The following ZNF57 variants were observed in gnomAD, a reference collection of about 807,000 sequenced individuals.
ZNF57 encodes zinc finger protein 424.
Under a neutral mutation model 13.4 loss-of-function variants are expected in ZNF57, and 11 were observed. That is an observed-to-expected ratio of 0.82 (90% confidence interval 0.52 to 1.36). ZNF57 has a LOEUF of 1.36. Among genes scored for constraint, ZNF57 ranks in the 40% most tolerant of loss-of-function variants. The pLI is 0.00. For missense variants in ZNF57, 696 were observed against 667.5 expected (o/e 1.04, Z -0.47); for synonymous variants, 224 against 238.5 (o/e 0.94, Z 0.56).
chr19:2,915,504 C>T lies in ZNF57; in HGVS notation c.4-18C>T, dbSNP rs1248155933. On this transcript the variant is annotated intron_variant, in intron 1 of 3. Coordinates refer to ENST00000306908, the MANE Select transcript of ZNF57 (RefSeq NM_173480.3). ...CAGTGTCTCCAATCCTCCTGCACAC[C>T]TGTGTGGTTTGTCTTAGGACTCAGT... 6.2e-7 allele frequency: 1 copy of T among 1,612,762 alleles called. No individual in the cohort carries two copies. The highest frequency in any genetic ancestry group is 1.1e-5 in the South Asian group (1 of 91,040).
chr19:2,907,585 T>C (rs1218472979), intron 1 of ZNF57, among the ~76,000 whole-genome samples: 2 of 152,238 alleles, frequency 1.3e-5, no homozygotes, highest in East Asian at 3.8e-4. Flanking sequence ...CTGCTAATAC[T>C]GTACTGGCAA....
At chr19:2,915,755 C>G in intron 2 of ZNF57, 107 bp downstream of exon 2, 2 of 1,517,622 alleles carry the variant, frequency 1.3e-6, no homozygotes, top group Non-Finnish European at 9.1e-7. Flanking sequence ...CAGACATGTT[C>G]ACAGCCACCA....
At chr19:2,904,165 A>T (rs1434684542) in intron 1 of ZNF57, among the ~76,000 whole-genome samples, 1 of 152,120 alleles carries the variant, frequency 6.6e-6, no homozygotes, top group African/African-American at 2.4e-5. Context: ...ACCTGGCCTG[A>T]AATTTCAATA....
chr19:2,917,115 G>C lies in ZNF57; in HGVS notation c.494G>C (p.Arg165Pro), dbSNP rs199663937. ...LKRHVKSHCG[R>P]KAPPGEECKQ... ...AGGCACGTCAAGTCTCACTGTGGAC[G>C]AAAAGCACCTCCAGGTGAGGAATGT... is the stretch of plus-strand genomic sequence containing the variant. Residue 165 changes from arginine (R) to proline (P), a missense_variant, in exon 4 of 4, where the codon CGA becomes CCA. By Grantham distance (103) the Arg-to-Pro change is moderately radical (BLOSUM62 -2). This residue lies in a region of ZNF57 where 645 missense variants were observed against 591.5 expected (regional missense o/e 1.09). Transcript: ENST00000306908. The C allele has an allele frequency of 1.2e-6, 2 of 1,613,842 alleles. No homozygotes were observed. Among genetic ancestry groups the C allele is most frequent in the Non-Finnish European group, 1.7e-6 (2 of 1,179,856 alleles).
At chr19:2,904,415 C>T (rs1466753259) in intron 1 of ZNF57, among the ~76,000 whole-genome samples, 2 of 152,180 alleles carry the variant, frequency 1.3e-5, no homozygotes, top group African/African-American at 2.4e-5. Flanking sequence ...GATCGTGGCT[C>T]ACTGCAGTCT....
chr19:2,908,674 A>G, intron 1 of ZNF57, among the ~76,000 whole-genome samples: 1 of 151,970 alleles, frequency 6.6e-6, no homozygotes, highest in African/African-American at 2.4e-5. Context: ...AAGTGCTGGG[A>G]TGACAGGTGT....
In ZNF57 at chr19:2,917,365, A is replaced by G; in HGVS notation, c.744A>G (p.Lys248=). The change falls in exon 4 of 4, where the codon AAA becomes AAG. Residue 248 remains lysine (K), a synonymous_variant. Transcript: ENST00000306908. ...SFTRHVRTHT[K]DRPYKCQECG... is the part of the protein sequence containing the mutation. ...CTAGACATGTGAGAACTCACACAAAAGACAGGCCATATAAATGTCAGGAAT... is the reference window on the plus strand; with the variant it reads ...CTAGACATGTGAGAACTCACACAAAGGACAGGCCATATAAATGTCAGGAAT... The G allele has an allele frequency of 6.2e-7, 1 of 1,614,250 alleles. No individual in the cohort carries two copies. The highest frequency in any genetic ancestry group is 8.5e-7 in the Non-Finnish European group (1 of 1,180,048).
chr19:2,904,052 G>C (rs2088053116), intron 1 of ZNF57, among the ~76,000 whole-genome samples: 1 of 152,118 alleles, frequency 6.6e-6, no homozygotes, highest in African/African-American at 2.4e-5. Flanking sequence ...TGTAGAGACG[G>C]GGGGCCTCGC....
At chr19:2,903,940 C>G (rs532610130) in intron 1 of ZNF57, among the ~76,000 whole-genome samples, 1 of 152,140 alleles carries the variant, frequency 6.6e-6, no homozygotes, top group South Asian at 2.1e-4. Flanking sequence ...TGGTCTTGAT[C>G]TCCTGACCTG....
intron 3 of ZNF57, chr19:2,916,673 G>A (rs889080315): frequency 8.9e-5 from 26 of 292,850 alleles, no homozygotes; most frequent in African/African-American, 6.6e-5. Context: ...CTGAGATTGC[G>A]CCACTGCACT....
rs62125399 is a variant in ZNF57, at chr19:2,917,310, G to C, written c.689G>C (p.Arg230Pro). The C allele has an allele frequency of 6.2e-7, 1 of 1,614,048 alleles. No individual in the cohort carries two copies. The highest frequency in any genetic ancestry group is 8.5e-7 in the Non-Finnish European group (1 of 1,179,970). ...AEKTYKCEQC[R>P]MAFNGFASFT... is the part of the protein sequence containing the mutation. ...AAAACCTACAAATGCGAGCAGTGTCGGATGGCGTTTAATGGGTTCGCAAGC... is the reference window on the plus strand; with the variant it reads ...AAAACCTACAAATGCGAGCAGTGTCCGATGGCGTTTAATGGGTTCGCAAGC... Residue 230 changes from arginine (R) to proline (P), a missense_variant, in exon 4 of 4, where the codon CGG becomes CCG. By Grantham distance (103) the Arg-to-Pro change is moderately radical. Around this residue, in one of 3 missense-constraint regions of ZNF57, gnomAD observed 645 missense variants for 591.5 expected, o/e 1.09. Coordinates refer to ENST00000306908, the MANE Select transcript of ZNF57 (RefSeq NM_173480.3).
chr19:2,917,549 TGCAA>T lies in ZNF57; in HGVS notation c.932_935del (p.Lys311SerfsTer16), dbSNP rs781316621. On this transcript the variant is annotated frameshift_variant, in exon 4 of 4. Coordinates refer to ENST00000306908, the MANE Select transcript of ZNF57 (RefSeq NM_173480.3). LOFTEE classifies it low-confidence loss of function (END_TRUNC). ...GCACACGGGAGAGAAGCCCTATGAA[TGCAA>T]GCAGTGTGGGAAAACATTCAGTTGG... 1.9e-6 allele frequency: 3 copies of T among 1,614,056 alleles called. No homozygotes were observed. The highest frequency in any genetic ancestry group is 1.7e-5 in the Admixed American group (1 of 60,010).
At chr19:2,902,431 A>G (rs2088038271) in intron 1 of ZNF57, among the ~76,000 whole-genome samples, 1 of 152,140 alleles carries the variant, frequency 6.6e-6, no homozygotes, top group Non-Finnish European at 1.5e-5. Flanking sequence ...CGTGGGGTAC[A>G]GGCTAAGCAT....
intron 1 of ZNF57, among the ~76,000 whole-genome samples, chr19:2,913,057 G>A (rs538446559): frequency 2.0e-5 from 3 of 152,222 alleles, no homozygotes; most frequent in South Asian, 2.1e-4. Flanking sequence ...GGGTTCAAGC[G>A]ATTCTCCCTC....
At chr19:2,912,172 C>T (rs956111523) in intron 1 of ZNF57, 1 of 148,438 alleles carries the variant, frequency 6.7e-6, no homozygotes, top group African/African-American at 2.4e-5. Flanking sequence ...CACTGAACTT[C>T]ACAAGTGCTT....
At position 2,917,170 on chromosome 19, in the gene ZNF57, A is replaced by G. The variant is rs373552093; in HGVS notation, c.549A>G (p.Leu183=). ...CKQACICPSH[L]HSHGRTDTEE... ...AGGCCTGCATTTGTCCCTCACACCT[A>G]CACAGTCACGGAAGAACTGACACTG... Residue 183 remains leucine (L), a synonymous_variant, in exon 4 of 4, where the codon CTA becomes CTG. Transcript: ENST00000306908. 163 of 1,614,076 alleles carry G rather than the reference A, an allele frequency of 1.0e-4. No homozygotes were observed. The highest frequency in any genetic ancestry group is 1.3e-4 in the Non-Finnish European group (158 of 1,180,034).
intron 1 of ZNF57, among the ~76,000 whole-genome samples, chr19:2,905,376 G>GCTGGTCT (rs1275706783): frequency 8.2e-6 from 1 of 121,808 alleles, no homozygotes; most frequent in East Asian, 2.4e-4. Flanking sequence ...TGTTGGCCAG[G>GCTGGTCT]CTGGTCTCGA....
At chr19:2,909,275 A>ATTTATTTTTTTTTTTTTTTTTTTTT (rs1341390463) in intron 1 of ZNF57, among the ~76,000 whole-genome samples, 1 of 103,794 alleles carries the variant, frequency 9.6e-6, no homozygotes, top group African/African-American at 3.4e-5. Flanking sequence ...TATTTTATTT[A>ATTTATTTTTTTTTTTTTTTTTTTTT]TTTTTGTTTT....
rs2088232400 is a variant in ZNF57 at position 2,918,140 on chromosome 19, A to G, written c.1519A>G (p.Lys507Glu). 3 of 1,614,218 alleles carry G rather than the reference A, an allele frequency of 1.9e-6. No homozygotes were observed. The highest frequency in any genetic ancestry group is 2.5e-6 in the Non-Finnish European group (3 of 1,180,048). The part of the protein sequence containing the change: ...MHTGEKPHKC[K>E]QCGMSFKWHS... ...CACTGGAGAGAAACCTCACAAATGTAAACAATGTGGGATGTCCTTCAAGTG... is the reference window on the plus strand; with the variant it reads ...CACTGGAGAGAAACCTCACAAATGTGAACAATGTGGGATGTCCTTCAAGTG... Residue 507 changes from lysine to glutamate, a missense_variant, in exon 4 of 4, where the codon AAA (lysine) becomes GAA (glutamate). By Grantham distance (56) the Lys-to-Glu change is moderately conservative. This residue lies in a region of ZNF57 where 645 missense variants were observed against 591.5 expected (regional missense o/e 1.09). Transcript: ENST00000306908.
Sources: gnomAD v4.1 joint callset for allele counts (sites outside exome capture counted in the v4.1 genomes callset) on GRCh38, gnomAD v4.1.1 for gene constraint, gnomAD v4.1.1 regional missense constraint, MANE v1.5 for transcripts, NCBI Gene and HGNC (gene_info 2026-07-23, HGNC 2026-07-21) for gene names.